Variants in YTHDF1 observed in about 807,000 individuals in gnomAD.
YTHDF1 encodes YTH domain-containing family protein 1.
Under a neutral mutation model 49.1 loss-of-function variants are expected in YTHDF1, and 16 were observed. That is an observed-to-expected ratio of 0.33 (90% CI 0.22 to 0.49). YTHDF1 has a LOEUF of 0.49. Among genes scored for constraint, YTHDF1 ranks in the 20% least tolerant of loss-of-function variants. The pLI is 0.99. For missense variants in YTHDF1, 621 were observed against 744.3 expected, an observed-to-expected ratio of 0.83 and a Z score of 1.93; for synonymous variants, 313 against 290.1, an observed-to-expected ratio of 1.08 and a Z score of -0.80.
chr20:63,214,279 A>G (rs1362175756), intron 2 of YTHDF1, among the ~76,000 whole-genome samples: 3 of 152,242 alleles, frequency 2.0e-5, no homozygotes, highest in Non-Finnish European at 4.4e-5. Context: ...AAAGAAGTGG[A>G]GCCTCCAAAA....
Position 63,203,830 on chromosome 20 carries a change from T to G in YTHDF1, c.133-23A>C. 1 of 1,577,202 alleles carries G rather than the reference T, an allele frequency of 6.3e-7. No homozygotes were observed. The highest frequency in any genetic ancestry group is 8.6e-7 in the Non-Finnish European group (1 of 1,156,678). On this transcript the variant is annotated intron_variant, in intron 3 of 4. Coordinates refer to ENST00000370339, the MANE Select transcript of YTHDF1 (RefSeq NM_017798.4). This position sits in a 1 kb window ranked among gnomAD's most constrained non-coding sequence, Gnocchi z 4.4. ...ACTCTGCAAAAGCAAACGTGACAAG[T>G]TACACCACTTCTACAACACGAGATG...
At chr20:63,215,714 G>T in intron 1 of YTHDF1, 113 bp from the exon 2 acceptor site, 1 of 1,415,816 alleles carries the variant, frequency 7.1e-7, no homozygotes, top group South Asian at 1.5e-5. Context: ...CGCCGGCCCC[G>T]ACGCGCGGTC....
intron 3 of YTHDF1, among the ~76,000 whole-genome samples, chr20:63,205,463 T>G (rs1005638370): frequency 6.6e-6 from 1 of 152,136 alleles, no homozygotes; most frequent in Non-Finnish European, 1.5e-5. Context: ...TATTTTCTAA[T>G]TTTCTTCCTG....
In YTHDF1 at chr20:63,202,705, C is replaced by T; in HGVS notation, c.1235G>A (p.Cys412Tyr). The change falls in exon 4 of 5, where the codon TGT becomes TAT. Residue 412 changes from cysteine (C) to tyrosine (Y), a missense_variant. Cys to Tyr is a radical substitution (Grantham distance 194). Transcript: ENST00000370339. The stretch of plus-strand genomic sequence containing the variant: ...GCGCTTGTTGCCGTGCTCTGTGCTA[C>T]ACCAGATGGAGTACTTAATGGAGCG... ...IHRSIKYSIWCSTEHGNKRLD... is the reference protein window; with the variant it reads ...IHRSIKYSIWYSTEHGNKRLD... The T allele has an allele frequency of 6.2e-7, 1 of 1,614,182 alleles. No homozygotes were observed. Among genetic ancestry groups the T allele is most frequent in the South Asian group, 1.1e-5 (1 of 91,090 alleles).
At position 63,215,621 on chromosome 20, in the gene YTHDF1, G is replaced by A. The variant is rs774199443; in HGVS notation, c.28-20C>T. ...TGTTCTCTGCACCGCCGCAGGCCGG[G>A]ACGTGGGGTACACACAACCCGGGGG... On this transcript the variant is annotated intron_variant, in intron 1 of 4. Transcript: ENST00000370339. 2.5e-6 allele frequency: 4 copies of A among 1,606,296 alleles called. No homozygotes were observed. The highest frequency in any genetic ancestry group is 1.7e-6 in the Non-Finnish European group (2 of 1,176,492).
At chr20:63,209,969 T>C (rs1319991413) in intron 3 of YTHDF1, among the ~76,000 whole-genome samples, 8 of 152,202 alleles carry the variant, frequency 5.3e-5, no homozygotes, top group Admixed American at 5.2e-4. Flanking sequence ...CTTAAAAGTA[T>C]AGCAAATACA....
intron 2 of YTHDF1, 34 bp downstream of exon 2, chr20:63,215,543 C>G (rs1381985379): frequency 6.2e-7 from 1 of 1,613,638 alleles, no homozygotes; most frequent in Non-Finnish European, 8.5e-7. Flanking sequence ...TCCTCCACTC[C>G]AGCCCGCGCC....
In YTHDF1 at chr20:63,215,856, G is replaced by T. The variant is rs1218490753; in HGVS notation, c.27+10C>A. ...CCCCGGCCGCGGCCCCTGTAACCCG[G>T]CCCCGCTACCTGGGTGTCCACGCTG... is the stretch of plus-strand genomic sequence containing the variant. On this transcript the variant is annotated intron_variant, in intron 1 of 4. Coordinates refer to ENST00000370339, the MANE Select transcript of YTHDF1 (RefSeq NM_017798.4). 15 of 1,456,382 alleles carry T rather than the reference G, an allele frequency of 1.0e-5. No individual in the cohort carries two copies. The African/African-American group carries it at 1.9e-4, about 19-fold the overall frequency. The allele number at this position is 1,456,382 out of a possible 1,614,324, so 90.2% of individuals were successfully genotyped here.
In YTHDF1 at chr20:63,202,610, C is replaced by T; in HGVS notation, c.1330G>A (p.Gly444Arg). ...VYLLFSVNGS[G>R]HFCGVAEMKS... is the part of the protein sequence containing the mutation. ...ATCTCGGCCACCCCACAAAAATGCC[C>T]ACTCCCATTGACGCTGAAGAGCAGG... Residue 444 changes from glycine to arginine, a missense_variant, in exon 4 of 5, where the codon GGG (glycine) becomes AGG (arginine). This residue lies in a region of YTHDF1 where 151 missense variants were observed against 248.5 expected (regional missense o/e 0.61). Transcript: ENST00000370339. The T allele has an allele frequency of 6.2e-7, 1 of 1,614,100 alleles. No individual in the cohort carries two copies.
In YTHDF1 at chr20:63,215,662, A is replaced by G. The variant is rs1017228473; in HGVS notation, c.28-61T>C. On this transcript the variant is annotated intron_variant, in intron 1 of 4. Coordinates refer to ENST00000370339, the MANE Select transcript of YTHDF1 (RefSeq NM_017798.4). ...AACCCGGGGGAAGAGGGAAACACAA[A>G]GTTATTCACCAGAGAACTGGTCTCC... is the stretch of plus-strand genomic sequence containing the variant. 2.6e-6 allele frequency: 4 copies of G among 1,563,546 alleles called. No homozygotes were observed. In the East Asian group the frequency reaches 9.5e-5, roughly 37 times the overall value.
At chr20:63,214,533 GT>G (rs1281753661) in intron 2 of YTHDF1, among the ~76,000 whole-genome samples, 1 of 152,148 alleles carries the variant, frequency 6.6e-6, no homozygotes, top group East Asian at 1.9e-4. Flanking sequence ...GGACAGCTTA[GT>G]TTTATACATT....
intron 3 of YTHDF1, among the ~76,000 whole-genome samples, chr20:63,210,969 C>T (rs2066571162): frequency 6.6e-6 from 1 of 152,236 alleles, no homozygotes; most frequent in Non-Finnish European, 1.5e-5. Context: ...AGAAGCACAG[C>T]AAGGCGGGTG....
At chr20:63,214,174 G>T in intron 2 of YTHDF1, 1 of 932,430 alleles carries the variant, frequency 1.1e-6, no homozygotes, top group Non-Finnish European at 1.3e-6. Flanking sequence ...ATCGTAATTT[G>T]GTGAGATTAA....
At chr20:63,211,960 TACACACACACACACACACAC>T (rs57357558) in intron 3 of YTHDF1, among the ~76,000 whole-genome samples, 15,877 of 143,816 alleles carry the variant, frequency 0.11, 1,111 homozygotes, top group South Asian at 0.19. Context: ...GTCTCCAAAA[TACACACACACACACACACAC>T]ACACACACAC....
At chr20:63,207,899 G>A (rs1009508409) in intron 3 of YTHDF1, among the ~76,000 whole-genome samples, 3 of 151,804 alleles carry the variant, frequency 2.0e-5, no homozygotes, top group Non-Finnish European at 4.4e-5. Context: ...CCTGAGGCAG[G>A]AGAATCGCTT....
At chr20:63,199,511 T>C (rs1197527755) in intron 4 of YTHDF1, among the ~76,000 whole-genome samples, 1 of 143,694 alleles carries the variant, frequency 7.0e-6, no homozygotes, top group African/African-American at 2.5e-5. Flanking sequence ...AGTGCAAGAT[T>C]CTGTCTTAAA....
rs936812076 is a variant in YTHDF1 at position 63,215,938 on chromosome 20, G to A, written c.-46C>T. The A allele has an allele frequency of 2.6e-5, 35 of 1,344,206 alleles. No homozygotes were observed. The highest frequency in any genetic ancestry group is 2.8e-5 in the Non-Finnish European group (29 of 1,043,400). The allele number at this position is 1,344,206 out of a possible 1,614,324, so 83.3% of individuals were successfully genotyped here. A position where few individuals can be genotyped will look rare whatever the true frequency, so the allele number is the denominator to read the frequency against. Reference sequence around the variant, plus strand: ...CGGGGCCGGGGCGCCCGCCGGCTCGGGCCTCCCCTAGAGGCCGGGCCTGTC... The same window carrying A: ...CGGGGCCGGGGCGCCCGCCGGCTCGAGCCTCCCCTAGAGGCCGGGCCTGTC... On this transcript the variant is annotated 5_prime_UTR_variant, in exon 1 of 5. Coordinates refer to ENST00000370339, the MANE Select transcript of YTHDF1 (RefSeq NM_017798.4).
chr20:63,204,951 T>A (rs888764295), intron 3 of YTHDF1, among the ~76,000 whole-genome samples: 1 of 151,196 alleles, frequency 6.6e-6, no homozygotes, highest in Non-Finnish European at 1.5e-5. Context: ...CGGGGTCCAG[T>A]GTGAGGTAAG....
intron 3 of YTHDF1, among the ~76,000 whole-genome samples, chr20:63,206,346 C>T (rs2066546012): frequency 6.6e-6 from 1 of 152,248 alleles, no homozygotes. Flanking sequence ...AAAGCCTTAA[C>T]TAAGACAGGA....
Sources: gnomAD v4.1 joint callset for allele counts (sites outside exome capture counted in the v4.1 genomes callset) on GRCh38, gnomAD v4.1.1 for gene constraint, gnomAD v4.1.1 regional missense constraint, Gnocchi (gnomAD v3.1) non-coding constraint, MANE v1.5 for transcripts, NCBI Gene and HGNC (gene_info 2026-07-23, HGNC 2026-07-21) for gene names.